SLC24A2: variants seen among roughly 807,000 people sequenced by gnomAD.
SLC24A2 encodes solute carrier family 24 member 2, also known as sodium/potassium/calcium exchanger 2.
In SLC24A2, 36 loss-of-function variants were observed where a neutral mutation model predicts 62.0. That is an observed-to-expected ratio of 0.58 (90% CI 0.44 to 0.77). SLC24A2 has a LOEUF of 0.77. Among genes scored for constraint, SLC24A2 ranks in the 30% least tolerant of loss-of-function variants. The pLI is 0.00. For missense variants in SLC24A2, 846 were observed against 817.9 expected, an observed-to-expected ratio of 1.03 and a Z score of -0.42; for synonymous variants, 358 against 294.0, an observed-to-expected ratio of 1.22 and a Z score of -2.23.
chr9:20,242,941 A>G, the SLC24A2 span, among the ~76,000 whole-genome samples: 1 of 152,190 alleles, frequency 6.6e-6, no homozygotes, highest in Non-Finnish European at 1.5e-5. Flanking sequence ...TGGTGGTTAA[A>G]TAACCAATCT....
chr9:20,061,338 G>T, the SLC24A2 span, among the ~76,000 whole-genome samples: 1 of 152,028 alleles, frequency 6.6e-6, no homozygotes, highest in South Asian at 2.1e-4. Flanking sequence ...AGGCTGGAAG[G>T]CAGTGGTGCA....
the SLC24A2 span, among the ~76,000 whole-genome samples, chr9:20,115,728 G>T: frequency 6.6e-6 from 1 of 152,148 alleles, no homozygotes; most frequent in Non-Finnish European, 1.5e-5. Context: ...GTCCAAGGCA[G>T]AATACATTGA....
the SLC24A2 span, among the ~76,000 whole-genome samples, chr9:19,796,049 C>G: frequency 7.2e-6 from 1 of 139,726 alleles, no homozygotes; most frequent in South Asian, 2.2e-4. Context: ...CATGTTGTCA[C>G]TCATAGGTGG....
chr9:20,046,398 A>G, the SLC24A2 span, among the ~76,000 whole-genome samples: 1 of 152,234 alleles, frequency 6.6e-6, no homozygotes. Context: ...TAGGCAGACA[A>G]TGCCCAACCT....
the SLC24A2 span, among the ~76,000 whole-genome samples, chr9:19,947,763 C>G: frequency 8.0e-6 from 1 of 124,848 alleles, no homozygotes; most frequent in African/African-American, 3.1e-5. Context: ...TGCACTCCAG[C>G]TTGAGGGTCA....
chr9:19,594,034 T>C (rs912246976), intron 5 of SLC24A2, among the ~76,000 whole-genome samples: 7 of 152,068 alleles, frequency 4.6e-5, no homozygotes, highest in Non-Finnish European at 1.0e-4. Context: ...CTTAGCCTAG[T>C]AGTTCACCCT....
At chr9:19,617,387 C>T (rs533781675) in intron 4 of SLC24A2, among the ~76,000 whole-genome samples, 27 of 152,234 alleles carry the variant, frequency 1.8e-4, no homozygotes, top group African/African-American at 6.3e-4. Context: ...CAACTGCCAT[C>T]TAACATGTTT....
At chr9:20,246,785 G>A in the SLC24A2 span, among the ~76,000 whole-genome samples, 1 of 152,214 alleles carries the variant, frequency 6.6e-6, no homozygotes, top group African/African-American at 2.4e-5. Flanking sequence ...CTAGGCACAT[G>A]TATAGCCAGG....
chr9:19,608,917 C>G (rs979752795), intron 4 of SLC24A2, among the ~76,000 whole-genome samples: 2 of 152,170 alleles, frequency 1.3e-5, no homozygotes, highest in African/African-American at 4.8e-5. Context: ...AAAGGAACCA[C>G]GTTTTGGTTG....
At chr9:19,769,571 A>G (rs998244740) in intron 2 of SLC24A2, among the ~76,000 whole-genome samples, 1 of 152,166 alleles carries the variant, frequency 6.6e-6, no homozygotes, top group African/African-American at 2.4e-5. Context: ...TTGACCCTAC[A>G]CTTACTGACC....
the SLC24A2 span, among the ~76,000 whole-genome samples, chr9:19,961,942 T>A: frequency 6.6e-6 from 1 of 152,232 alleles, no homozygotes; most frequent in Non-Finnish European, 1.5e-5. Flanking sequence ...ACCACCCAGA[T>A]AAACCACTCC....
intron 5 of SLC24A2, among the ~76,000 whole-genome samples, chr9:19,591,014 C>G (rs1836533351): frequency 6.6e-6 from 1 of 152,148 alleles, no homozygotes; most frequent in African/African-American, 2.4e-5. Context: ...AGTTTTCTTC[C>G]CACCTCAGTC....
intron 5 of SLC24A2, among the ~76,000 whole-genome samples, chr9:19,586,517 AT>A (rs1264300106): frequency 1.4e-5 from 2 of 141,226 alleles, no homozygotes; most frequent in African/African-American, 5.8e-5. Flanking sequence ...TTTCTGCTTG[AT>A]TAATGCTGTG....
chr9:19,581,310 T>C (rs1432905689), intron 5 of SLC24A2, among the ~76,000 whole-genome samples: 1 of 152,210 alleles, frequency 6.6e-6, no homozygotes, highest in Non-Finnish European at 1.5e-5. Flanking sequence ...TTGATACCTC[T>C]GCAATCTTAA....
the SLC24A2 span, among the ~76,000 whole-genome samples, chr9:19,857,595 C>A: frequency 2.0e-5 from 3 of 152,036 alleles, no homozygotes; most frequent in African/African-American, 7.2e-5. Flanking sequence ...TAAATGTATT[C>A]ATAATTATTT....
rs1413018984 is a variant in SLC24A2 at position 19,514,850 on chromosome 9, T to G, written c.*1303A>C. 2.0e-5 allele frequency: 3 copies of G among 152,212 alleles called. No individual in the cohort carries two copies. The highest frequency in any genetic ancestry group is 6.5e-5 in the Admixed American group (1 of 15,278). 9.4% of individuals were successfully genotyped at this position (152,212 alleles called of 1,614,324 possible). On this transcript the variant is annotated 3_prime_UTR_variant, in exon 11 of 11. Transcript: ENST00000341998. ...GGTGCACTGAGTGTGCAAATGCCTT[T>G]CCAAGCATCGCTAAGTTGCCTCAAC...
chr9:20,158,577 C>A, the SLC24A2 span, among the ~76,000 whole-genome samples: 3 of 151,594 alleles, frequency 2.0e-5, no homozygotes, highest in African/African-American at 7.3e-5. Context: ...ATAAGAAATA[C>A]AATTCTGTTG....
rs139157402 is a variant in SLC24A2 at position 19,622,802 on chromosome 9, A to G, written c.931-503T>C. Among the ~76,000 whole-genome samples, 672 of 152,304 alleles carry G rather than the reference A, an allele frequency of 4.4e-3. 9 individuals carry two copies. The highest frequency in any genetic ancestry group is 0.015 in the African/African-American group (619 of 41,550). On this transcript the variant is annotated intron_variant, in intron 2 of 10. Transcript: ENST00000341998. ...GGTTGTTACTGGGGGATGGGATTGCAAAGAAATGTCATTTTCTATATGTTT... is the reference window on the plus strand; with the variant it reads ...GGTTGTTACTGGGGGATGGGATTGCGAAGAAATGTCATTTTCTATATGTTT...
At chr9:20,068,842 T>A in the SLC24A2 span, among the ~76,000 whole-genome samples, 2 of 152,184 alleles carry the variant, frequency 1.3e-5, no homozygotes, top group Non-Finnish European at 2.9e-5. Flanking sequence ...CCTGTTCATC[T>A]TCTCATGGCC....
Sources: gnomAD v4.1 joint callset for allele counts (sites outside exome capture counted in the v4.1 genomes callset) on GRCh38, gnomAD v4.1.1 for gene constraint, MANE v1.5 for transcripts, NCBI Gene and HGNC (gene_info 2026-07-23, HGNC 2026-07-21) for gene names.